PRKN: variants seen among roughly 807,000 people sequenced by gnomAD.
PRKN encodes the protein parkin RBR E3 ubiquitin protein ligase.
PRKN carries 56 observed loss-of-function variants against 59.5 expected under a neutral mutation model. The ratio of observed to expected loss-of-function variants is 0.94; its 90% CI spans 0.76 to 1.18. The LOEUF (loss-of-function observed/expected upper bound fraction) is 1.18. Among genes scored for constraint, PRKN ranks in the 50% most tolerant of loss-of-function variants. The pLI is 0.00. For missense variants in PRKN, 657 were observed against 596.4 expected (o/e 1.10, Z -1.06); for synonymous variants, 250 against 222.1 (o/e 1.13, Z -1.12).
chr6:162,169,618 A>T (rs1276188892), intron 4 of PRKN, among the ~76,000 whole-genome samples: 8 of 152,226 alleles, frequency 5.3e-5, no homozygotes, highest in Non-Finnish European at 1.0e-4. Context: ...ATGCAGGTGT[A>T]GGAGTTGGAT....
chr6:162,717,687 C>A (rs1243920654), intron 1 of PRKN, among the ~76,000 whole-genome samples: 2 of 151,834 alleles, frequency 1.3e-5, no homozygotes, highest in Admixed American at 1.3e-4. Context: ...AGGAACTACA[C>A]AAAAACTAAT....
chr6:161,807,406 C>G (rs1386146577), intron 6 of PRKN, among the ~76,000 whole-genome samples: 2 of 152,158 alleles, frequency 1.3e-5, no homozygotes, highest in African/African-American at 4.8e-5. Context: ...CAGGTGCATA[C>G]ACACATAAAC....
intron 1 of PRKN, among the ~76,000 whole-genome samples, chr6:162,531,250 C>A (rs768026327): frequency 6.6e-6 from 1 of 151,446 alleles, no homozygotes; most frequent in Non-Finnish European, 1.5e-5. Flanking sequence ...CCCAGCTACT[C>A]GGGAGGCTGA....
intron 7 of PRKN, among the ~76,000 whole-genome samples, chr6:161,691,195 T>C (rs957917170): frequency 6.6e-6 from 1 of 152,224 alleles, no homozygotes; most frequent in Non-Finnish European, 1.5e-5. Flanking sequence ...AACCTCCATC[T>C]CTTCCACATA....
At chr6:162,319,128 A>G (rs779087565) in intron 2 of PRKN, among the ~76,000 whole-genome samples, 8 of 152,140 alleles carry the variant, frequency 5.3e-5, no homozygotes, top group South Asian at 2.1e-4. Context: ...TTTTTATAAT[A>G]GTGTGTAATT....
At position 162,031,613 on chromosome 6, in the gene PRKN, G is replaced by C. The variant is rs189479449; in HGVS notation, c.618+22478C>G. ...TACAATCATGCAATCTCAGCTCACT[G>C]TAACCTCCACCTCCAAGGTTCAAGC... is the stretch of plus-strand genomic sequence containing the variant. On this transcript the variant is annotated intron_variant, in intron 5 of 11. Transcript: ENST00000366898. Among the ~76,000 whole-genome samples, 53 of 147,188 alleles carry C rather than the reference G, an allele frequency of 3.6e-4. 1 individual carries two copies. In the East Asian group the frequency reaches 9.3e-3, roughly 26 times the overall value.
At position 161,803,360 on chromosome 6, in the gene PRKN, G is replaced by A. The variant is rs561101218; in HGVS notation, c.735-17452C>T. ...AGTTGGGACTCTGGGTAGAAGAAAA[G>A]CTTTGCCTCCCCTGCAGCTTCCTTT... is the stretch of plus-strand genomic sequence containing the variant. On this transcript the variant is annotated intron_variant, in intron 6 of 11. Transcript: ENST00000366898. 1.2e-4 allele frequency among the ~76,000 whole-genome samples: 19 copies of A among 152,338 alleles called. No individual in the cohort carries two copies. The South Asian group carries it at 3.9e-3, about 32-fold the overall frequency.
chr6:161,583,882 A>G (rs534379236), intron 7 of PRKN, among the ~76,000 whole-genome samples: 7 of 152,236 alleles, frequency 4.6e-5, no homozygotes, highest in Non-Finnish European at 8.8e-5. Flanking sequence ...TCACCTAGAC[A>G]TGCATATTTG....
chr6:162,510,485 G>A lies in PRKN; in HGVS notation c.8-67012C>T, dbSNP rs190569984. Among the ~76,000 whole-genome samples, 38 of 152,308 alleles carry A rather than the reference G, an allele frequency of 2.5e-4. 1 individual carries two copies. In the South Asian group the frequency reaches 2.7e-3, roughly 11 times the overall value. ...CCTTGTTTAGTGGCCTCCTTGGCCAGCTGCACCGAGGAAGCAGGGACTGCT... is the reference window on the plus strand; with the variant it reads ...CCTTGTTTAGTGGCCTCCTTGGCCAACTGCACCGAGGAAGCAGGGACTGCT... On this transcript the variant is annotated intron_variant, in intron 1 of 11. Coordinates refer to ENST00000366898, the MANE Select transcript of PRKN (RefSeq NM_004562.3).
chr6:162,522,702 G>A (rs1778124764), intron 1 of PRKN, among the ~76,000 whole-genome samples: 1 of 151,598 alleles, frequency 6.6e-6, no homozygotes, highest in African/African-American at 2.4e-5. Context: ...TTTCTCCCAT[G>A]CTCTAAAGTC....
At position 161,414,130 on chromosome 6, in the gene PRKN, A is replaced by G. The variant is rs1041588021; in HGVS notation, c.1084-27253T>C. Among the ~76,000 whole-genome samples, 1 of 152,072 alleles carries G rather than the reference A, an allele frequency of 6.6e-6. No individual in the cohort carries two copies. The highest frequency in any genetic ancestry group is 1.5e-5 in the Non-Finnish European group (1 of 68,018). ...CAGACTTCTCTCTTTCTTTGCTGCA[A>G]ATGGCTCTCTGGAGCACAAACTCTC... On this transcript the variant is annotated intron_variant, in intron 9 of 11. Coordinates refer to ENST00000366898, the MANE Select transcript of PRKN (RefSeq NM_004562.3). This position sits in a 1 kb window ranked among gnomAD's most constrained non-coding sequence, Gnocchi z 5.3.
chr6:161,641,669 C>T (rs1328822892), intron 7 of PRKN, among the ~76,000 whole-genome samples: 1 of 152,172 alleles, frequency 6.6e-6, no homozygotes, highest in East Asian at 1.9e-4. Context: ...AGGCAATGGG[C>T]AAGGAGAACC....
At chr6:161,721,680 G>C (rs1490334916) in intron 7 of PRKN, among the ~76,000 whole-genome samples, 1 of 152,100 alleles carries the variant, frequency 6.6e-6, no homozygotes, top group Non-Finnish European at 1.5e-5. Flanking sequence ...CCCCGTGCTG[G>C]GGCTGCGTGG....
At chr6:161,567,641 A>G (rs895566123) in intron 8 of PRKN, among the ~76,000 whole-genome samples, 5 of 152,150 alleles carry the variant, frequency 3.3e-5, no homozygotes, top group African/African-American at 1.2e-4. Flanking sequence ...CTATATTACC[A>G]AAACTAATCG....
intron 1 of PRKN, among the ~76,000 whole-genome samples, chr6:162,475,401 G>A (rs913697689): frequency 1.3e-5 from 2 of 152,174 alleles, no homozygotes; most frequent in African/African-American, 2.4e-5. Context: ...TGGAAAGAAC[G>A]AGAGAAATAA....
Position 162,517,178 on chromosome 6 carries a change from G to C in PRKN, c.8-73705C>G, listed in dbSNP as rs1248456423. 5.4e-5 allele frequency among the ~76,000 whole-genome samples: 8 copies of C among 148,950 alleles called. No homozygotes were observed. The Admixed American group carries it at 5.4e-4, about 10-fold the overall frequency. On this transcript the variant is annotated intron_variant, in intron 1 of 11. Transcript: ENST00000366898. The stretch of plus-strand genomic sequence containing the variant: ...GAGCTTTAAAACTCTTGATGTCCAA[G>C]CTGCATCCCAAAGCAGTTAAATCAG...
At chr6:161,948,982 G>A (rs1011226265) in intron 6 of PRKN, among the ~76,000 whole-genome samples, 16 of 152,130 alleles carry the variant, frequency 1.1e-4, no homozygotes, top group Non-Finnish European at 4.4e-5. Flanking sequence ...TGATTTCTAC[G>A]GGGAGGCAGA....
At chr6:162,612,113 A>G (rs1244268051) in intron 1 of PRKN, among the ~76,000 whole-genome samples, 16 of 147,790 alleles carry the variant, frequency 1.1e-4, no homozygotes, top group Admixed American at 2.1e-4. Context: ...GAATGGCGTG[A>G]ACCCGGGAGG....
rs1791556601 is a variant in PRKN at position 161,484,407 on chromosome 6, A to G, written c.1083+64447T>C. On this transcript the variant is annotated intron_variant, in intron 9 of 11. Coordinates refer to ENST00000366898, the MANE Select transcript of PRKN (RefSeq NM_004562.3). This position sits in a 1 kb window ranked among gnomAD's most constrained non-coding sequence, Gnocchi z 4.9. ...TGTATCATTATTTCCTTTACTAACA[A>G]TAACTAAGATGCACTGGGTACGTTA... Among the ~76,000 whole-genome samples, 2 of 152,310 alleles carry G rather than the reference A, an allele frequency of 1.3e-5. No individual in the cohort carries two copies. Among genetic ancestry groups the G allele is most frequent in the South Asian group, 4.1e-4 (2 of 4,826 alleles).
Sources: allele counts gnomAD v4.1 joint callset (sites outside exome capture counted in the v4.1 genomes callset), GRCh38; gene constraint gnomAD v4.1.1; non-coding constraint Gnocchi (gnomAD v3.1); transcripts MANE v1.5; gene names NCBI Gene and HGNC (gene_info 2026-07-23, HGNC 2026-07-21).